The following MAP2K4 variants were observed in gnomAD, a reference collection of about 807,000 sequenced individuals.
The protein encoded by MAP2K4 is dual specificity mitogen-activated protein kinase kinase 4.
MAP2K4 carries 4 observed loss-of-function variants against 48.5 expected under a neutral mutation model. The observed-to-expected ratio is 0.08, with a 90% CI of 0.04 to 0.19. MAP2K4 has a LOEUF of 0.19. MAP2K4 is among the 10% of genes least tolerant of loss of function. The pLI, the probability that MAP2K4 is intolerant of heterozygous loss-of-function variation, is 1.00. For missense variants in MAP2K4, 258 were observed against 493.3 expected, an observed-to-expected ratio of 0.52 and a Z score of 4.52; for synonymous variants, 166 against 173.1, an observed-to-expected ratio of 0.96 and a Z score of 0.32.
chr17:12,046,967 G>C (rs1000520996), intron 1 of MAP2K4, among the ~76,000 whole-genome samples: 5 of 152,068 alleles, frequency 3.3e-5, no homozygotes, highest in Non-Finnish European at 7.3e-5. Flanking sequence ...GTAGAATGCT[G>C]CTTTTGCCTT....
Position 12,143,801 on chromosome 17 carries a change from T to A in MAP2K4, c.*2541T>A, listed in dbSNP as rs1052139112. Reference sequence around the variant, plus strand: ...AAATCTTAAAGTAAATTACATTAAATTATCTGTGCATTTCACACCAGGGAA... The same window carrying A: ...AAATCTTAAAGTAAATTACATTAAAATATCTGTGCATTTCACACCAGGGAA... On this transcript the variant is annotated 3_prime_UTR_variant, in exon 11 of 11. Transcript: ENST00000353533. 1 of 226,130 alleles carries A rather than the reference T, an allele frequency of 4.4e-6. No individual in the cohort carries two copies. Among genetic ancestry groups the A allele is most frequent in the Non-Finnish European group, 8.8e-6 (1 of 113,556 alleles). 14.0% of individuals were successfully genotyped at this position (226,130 alleles called of 1,614,324 possible).
intron 6 of MAP2K4, chr17:12,112,951 T>A (rs961171300): frequency 3.9e-5 from 8 of 204,478 alleles, no homozygotes; most frequent in African/African-American, 1.8e-4. Flanking sequence ...AATATGAAGA[T>A]GTTAAGAGAA....
chr17:12,023,743 C>G (rs1474011526), intron 1 of MAP2K4, among the ~76,000 whole-genome samples: 1 of 152,104 alleles, frequency 6.6e-6, no homozygotes, highest in Non-Finnish European at 1.5e-5. Flanking sequence ...AACCAGAGCT[C>G]TGGAGTTCTG....
At position 12,084,949 on chromosome 17, in the gene MAP2K4, G is replaced by C. The variant is rs184835039; in HGVS notation, c.393+3419G>C. Among the ~76,000 whole-genome samples the C allele has an allele frequency of 1.1e-3, 169 of 152,268 alleles. 1 individual carries two copies. The highest frequency in any genetic ancestry group is 0.011 in the Admixed American group (161 of 15,302). ...AAAAGAGAGTAAATGAAATGTCACA[G>C]CTTAGACCATGGGCTTACAAGCTCA... On this transcript the variant is annotated intron_variant, in intron 3 of 10. Transcript: ENST00000353533.
At chr17:12,041,900 G>A (rs1267881850) in intron 1 of MAP2K4, among the ~76,000 whole-genome samples, 1 of 152,172 alleles carries the variant, frequency 6.6e-6, no homozygotes, top group Non-Finnish European at 1.5e-5. Context: ...GCCGATGGAG[G>A]CTGGGCGTGG....
chr17:12,115,050 A>G (rs978600649), intron 7 of MAP2K4, among the ~76,000 whole-genome samples: 1 of 152,180 alleles, frequency 6.6e-6, no homozygotes, highest in Non-Finnish European at 1.5e-5. Context: ...AAGTGGTTTG[A>G]CTTTTCTTCA....
intron 1 of MAP2K4, among the ~76,000 whole-genome samples, chr17:12,028,064 G>A (rs562670104): frequency 6.6e-6 from 1 of 152,264 alleles, no homozygotes; most frequent in African/African-American, 2.4e-5. Context: ...GCTCTTTTGG[G>A]TATTATTTTA....
At chr17:12,060,135 C>T (rs1970402469) in intron 2 of MAP2K4, among the ~76,000 whole-genome samples, 1 of 151,080 alleles carries the variant, frequency 6.6e-6, no homozygotes, top group Non-Finnish European at 1.5e-5. Context: ...CCACTGCACT[C>T]CAGCCTGTGT....
chr17:12,125,501 G>GAA (rs369950752), intron 8 of MAP2K4, 130 bp downstream of exon 8: 51 of 510,680 alleles, frequency 1.0e-4, no homozygotes, highest in South Asian at 1.3e-4. Context: ...TTAAGTTGCT[G>GAA]AAAAAAAAAA....
intron 3 of MAP2K4, among the ~76,000 whole-genome samples, chr17:12,094,854 T>C (rs992002408): frequency 1.3e-5 from 2 of 152,178 alleles, no homozygotes; most frequent in Non-Finnish European, 2.9e-5. Context: ...ACCTTAGGAA[T>C]AGACAAAAAG....
intron 1 of MAP2K4, among the ~76,000 whole-genome samples, chr17:12,027,691 C>A (rs1024253104): frequency 6.6e-6 from 1 of 152,104 alleles, no homozygotes; most frequent in African/African-American, 2.4e-5. Flanking sequence ...TCCCTGGGAT[C>A]TGGTTATGTG....
At chr17:12,055,013 A>G in intron 2 of MAP2K4, 22 bp downstream of exon 2, 1 of 1,443,300 alleles carries the variant, frequency 6.9e-7, no homozygotes. Flanking sequence ...TGGTAATCAA[A>G]GGCTCAACTC....
At chr17:12,053,740 C>A (rs1970208139) in intron 1 of MAP2K4, among the ~76,000 whole-genome samples, 1 of 151,960 alleles carries the variant, frequency 6.6e-6, no homozygotes, top group African/African-American at 2.4e-5. Context: ...GAAAGCAGAT[C>A]TAGGGGCCGT....
chr17:12,112,820 AT>A (rs1396644751), intron 6 of MAP2K4, among the ~76,000 whole-genome samples: 14 of 152,198 alleles, frequency 9.2e-5, no homozygotes, highest in Non-Finnish European at 1.6e-4. Flanking sequence ...AAACAATTTA[AT>A]GCCTAAATTT....
At position 12,043,456 on chromosome 17, in the gene MAP2K4, G is replaced by A. The variant is rs1969859729; in HGVS notation, c.116-11433G>A. On this transcript the variant is annotated intron_variant, in intron 1 of 10. Transcript: ENST00000353533. ...GATCTCACAAGTTGAAGGGCTCAGT[G>A]CTTCAAGATTCTCCTCACTTAGGAT... Among the ~76,000 whole-genome samples the A allele has an allele frequency of 2.6e-5, 4 of 152,210 alleles. No individual in the cohort carries two copies. The South Asian group carries it at 8.3e-4, about 32-fold the overall frequency.
intron 4 of MAP2K4, among the ~76,000 whole-genome samples, chr17:12,102,673 A>G (rs1165487516): frequency 2.0e-5 from 3 of 152,086 alleles, no homozygotes; most frequent in Non-Finnish European, 4.4e-5. Context: ...TTGTGAGAAT[A>G]TTTTTGACTG....
chr17:12,079,773 T>C (rs562209018), intron 2 of MAP2K4, among the ~76,000 whole-genome samples: 10 of 152,318 alleles, frequency 6.6e-5, no homozygotes, highest in African/African-American at 2.2e-4. Flanking sequence ...TGTTAGAACT[T>C]TTTTCAGGCT....
chr17:12,109,234 A>G (rs1567664312), intron 5 of MAP2K4, among the ~76,000 whole-genome samples: 1 of 152,150 alleles, frequency 6.6e-6, no homozygotes, highest in Non-Finnish European at 1.5e-5. Context: ...CAGGGTGACC[A>G]TGAAATTAGA....
At chr17:12,121,319 C>T (rs777197341) in intron 7 of MAP2K4, among the ~76,000 whole-genome samples, 2 of 152,108 alleles carry the variant, frequency 1.3e-5, no homozygotes, top group East Asian at 1.9e-4. Context: ...AATCCAAAAT[C>T]GAAACACTCA....
Sources: allele counts gnomAD v4.1 joint callset (sites outside exome capture counted in the v4.1 genomes callset), GRCh38; gene constraint gnomAD v4.1.1; transcripts MANE v1.5; gene names NCBI Gene and HGNC (gene_info 2026-07-23, HGNC 2026-07-21).